The following RELN variants were observed in gnomAD, a reference collection of about 807,000 sequenced individuals.
RELN encodes reelin.
A neutral mutation model predicts 427.6 loss-of-function variants in RELN; 108 were observed. The ratio of observed to expected loss-of-function variants is 0.25; its 90% CI spans 0.22 to 0.30. The LOEUF (loss-of-function observed/expected upper bound fraction) is 0.30, where lower values mean the gene tolerates loss of function less well. Ranked by LOEUF, RELN falls within the 10% of genes least tolerant of loss-of-function variation. The pLI, the probability that RELN is intolerant of heterozygous loss-of-function variation, is 1.00. For missense variants in RELN, 3,715 were observed against 4,302.8 expected, an observed-to-expected ratio of 0.86 and a Z score of 3.82; for synonymous variants, 1,524 against 1,513.4, an observed-to-expected ratio of 1.01 and a Z score of -0.16.
intron 4 of RELN, among the ~76,000 whole-genome samples, chr7:103,770,276 G>C (rs1483343904): frequency 6.6e-6 from 1 of 152,106 alleles, no homozygotes; most frequent in African/African-American, 2.4e-5. Context: ...AGTAGAGATG[G>C]GGTTTCACTG....
Position 103,483,645 on chromosome 7 carries a change from C to T in RELN, c.10181+8G>A. ...ATGAGACCATGCCTTTCCATTTGGG[C>T]CACTTACAGGGGGACATTGTAAGAC... On this transcript the variant is annotated splice_region_variant and intron_variant, in intron 62 of 64. Coordinates refer to ENST00000428762, the MANE Select transcript of RELN (RefSeq NM_005045.4). 1 of 1,613,896 alleles carries T rather than the reference C, an allele frequency of 6.2e-7. No homozygotes were observed. The highest frequency in any genetic ancestry group is 1.1e-5 in the South Asian group (1 of 91,076).
At chr7:103,741,329 T>C (rs1790648857) in intron 6 of RELN, among the ~76,000 whole-genome samples, 1 of 152,128 alleles carries the variant, frequency 6.6e-6, no homozygotes, top group Non-Finnish European at 1.5e-5. Flanking sequence ...CCCTCCTTTA[T>C]GATGTTGCTG....
intron 8 of RELN, among the ~76,000 whole-genome samples, chr7:103,715,684 G>T (rs545180309): frequency 2.0e-5 from 3 of 152,022 alleles, no homozygotes; most frequent in Non-Finnish European, 4.4e-5. Context: ...CAAAATATTT[G>T]TATTTCTTCA....
At chr7:103,738,000 G>A (rs1174616505) in intron 6 of RELN, among the ~76,000 whole-genome samples, 1 of 151,716 alleles carries the variant, frequency 6.6e-6, no homozygotes, top group Non-Finnish European at 1.5e-5. Context: ...AGTCATCTAA[G>A]ATGCTATTTC....
At chr7:103,723,943 GA>G (rs1374148757) in intron 7 of RELN, among the ~76,000 whole-genome samples, 1 of 152,116 alleles carries the variant, frequency 6.6e-6, no homozygotes, top group Non-Finnish European at 1.5e-5. Flanking sequence ...TCCCCCTTCT[GA>G]AAGAAGAATG....
At chr7:103,902,322 C>T (rs904717974) in intron 2 of RELN, among the ~76,000 whole-genome samples, 1 of 152,040 alleles carries the variant, frequency 6.6e-6, no homozygotes, top group African/African-American at 2.4e-5. Context: ...AGAATCTTCT[C>T]ATAATCAAAT....
intron 20 of RELN, among the ~76,000 whole-genome samples, chr7:103,617,929 CCT>C (rs1413755637): frequency 2.0e-5 from 3 of 152,080 alleles, no homozygotes; most frequent in African/African-American, 7.2e-5. Context: ...TCTCCTGCTT[CCT>C]CTGTCACCAT....
intron 1 of RELN, among the ~76,000 whole-genome samples, chr7:103,929,410 T>C (rs985370176): frequency 6.6e-6 from 1 of 152,110 alleles, no homozygotes; most frequent in East Asian, 1.9e-4. Flanking sequence ...TAGCTAGACT[T>C]TCCCACCACC....
chr7:103,595,172 T>G lies in RELN; in HGVS notation c.3540-680A>C, dbSNP rs1044684096. On this transcript the variant is annotated intron_variant, in intron 25 of 64. Transcript: ENST00000428762. Reference sequence around the variant, plus strand: ...AAGCCATTACATTTTTATTTACTTATAGAGTTACCTAGTCACCTTACTGAA... The same window carrying G: ...AAGCCATTACATTTTTATTTACTTAGAGAGTTACCTAGTCACCTTACTGAA... Among the ~76,000 whole-genome samples the G allele has an allele frequency of 3.3e-5, 5 of 152,354 alleles. No homozygotes were observed. The Middle Eastern group carries it at 0.014, about 415-fold the overall frequency.
chr7:103,952,714 G>A (rs896369123), intron 1 of RELN, among the ~76,000 whole-genome samples: 6 of 152,114 alleles, frequency 3.9e-5, no homozygotes, highest in Admixed American at 6.6e-5. Context: ...TTATGGAGGT[G>A]CACACTCAAA....
Position 103,641,963 on chromosome 7 carries a change from C to T in RELN, c.2003-1354G>A, listed in dbSNP as rs139241890. On this transcript the variant is annotated intron_variant, in intron 16 of 64. Coordinates refer to ENST00000428762, the MANE Select transcript of RELN (RefSeq NM_005045.4). ...TGAAAAATTCAACAATAAATTAAGA[C>T]ATTCCAAGTCAATGAAAAAAGTTGC... Among the ~76,000 whole-genome samples, 453 of 152,244 alleles carry T rather than the reference C, an allele frequency of 3.0e-3. 2 individuals carry two copies. The highest frequency in any genetic ancestry group is 0.011 in the African/African-American group (441 of 41,548).
chr7:103,473,849 G>A (rs531762789), intron 64 of RELN, among the ~76,000 whole-genome samples: 47 of 152,254 alleles, frequency 3.1e-4, no homozygotes, highest in African/African-American at 1.1e-3. Context: ...TGGTTTATGA[G>A]AGTGAGCCTA....
chr7:103,754,045 A>T (rs771547344), intron 4 of RELN, among the ~76,000 whole-genome samples: 8 of 152,166 alleles, frequency 5.3e-5, no homozygotes, highest in Non-Finnish European at 1.2e-4. Context: ...AAGATCTTTA[A>T]GCAGGTAAGA....
At chr7:103,806,584 C>T (rs1435342565) in intron 3 of RELN, among the ~76,000 whole-genome samples, 1 of 152,082 alleles carries the variant, frequency 6.6e-6, no homozygotes, top group East Asian at 1.9e-4. Flanking sequence ...CTCAGCTTCC[C>T]AAAGTGCTGG....
At chr7:103,728,536 A>T (rs1790271055) in intron 6 of RELN, among the ~76,000 whole-genome samples, 1 of 152,146 alleles carries the variant, frequency 6.6e-6, no homozygotes. Context: ...ATTATATACA[A>T]AACACAGAAT....
intron 2 of RELN, among the ~76,000 whole-genome samples, chr7:103,865,152 A>AG (rs1227437600): frequency 2.0e-5 from 3 of 149,380 alleles, no homozygotes; most frequent in Non-Finnish European, 3.0e-5. Context: ...AAAAAAAAAA[A>AG]AAAGAAAGAA....
chr7:103,738,858 T>C (rs1790564643), intron 6 of RELN, among the ~76,000 whole-genome samples: 2 of 151,890 alleles, frequency 1.3e-5, no homozygotes, highest in Admixed American at 1.3e-4. Flanking sequence ...AATTTTTGTA[T>C]TTTTCATAGA....
rs10569884 is a variant in RELN at position 103,835,954 on chromosome 7, CTTTTT to C, written c.338-2287_338-2283del. Reference sequence around the variant, plus strand: ...TCTCTTTACAAAACTCTCAATTACCCTTTTTTTTTTTTTTTTTTATAGGCGGAGTC... The same window carrying C: ...TCTCTTTACAAAACTCTCAATTACCCTTTTTTTTTTTTTATAGGCGGAGTC... On this transcript the variant is annotated intron_variant, in intron 2 of 64. Transcript: ENST00000428762. Among the ~76,000 whole-genome samples, 793 of 142,414 alleles carry C rather than the reference CTTTTT, an allele frequency of 5.6e-3. 9 individuals are homozygous for C. Among genetic ancestry groups the C allele is most frequent in the African/African-American group, 0.019 (723 of 38,558 alleles). 93.4% of individuals were successfully genotyped at this position (142,414 alleles called of 152,430 possible).
intron 2 of RELN, among the ~76,000 whole-genome samples, chr7:103,860,917 A>T (rs1050038291): frequency 6.6e-6 from 1 of 152,170 alleles, no homozygotes; most frequent in Non-Finnish European, 1.5e-5. Flanking sequence ...AGCATTGTAA[A>T]ATTTAATAAC....
Sources: allele counts gnomAD v4.1 joint callset (sites outside exome capture counted in the v4.1 genomes callset), GRCh38; gene constraint gnomAD v4.1.1; transcripts MANE v1.5; gene names NCBI Gene and HGNC (gene_info 2026-07-23, HGNC 2026-07-21).